Variants in MRTFA observed in about 807,000 individuals in gnomAD.
MRTFA encodes the protein myocardin-related transcription factor A.
Under a neutral mutation model 83.5 loss-of-function variants are expected in MRTFA, and 20 were observed. The ratio of observed to expected loss-of-function variants is 0.24; its 90% CI spans 0.17 to 0.35. The LOEUF (loss-of-function observed/expected upper bound fraction) is 0.35. Ranked by LOEUF, MRTFA falls within the 10% of genes least tolerant of loss-of-function variation. The pLI is 1.00. For synonymous variants in MRTFA, 659 were observed against 541.2 expected (o/e 1.22, Z -3.02); for missense variants, 1,200 against 1,224.7 (o/e 0.98, Z 0.30).
At chr22:40,461,923 C>A (rs746299864) in intron 4 of MRTFA, among the ~76,000 whole-genome samples, 1 of 152,338 alleles carries the variant, frequency 6.6e-6, no homozygotes, top group East Asian at 1.9e-4. Context: ...CATGCCCCAG[C>A]CACACTGGCT....
chr22:40,635,777 A>G (rs372375058), intron 1 of MRTFA, among the ~76,000 whole-genome samples: 21 of 152,324 alleles, frequency 1.4e-4, no homozygotes, highest in South Asian at 6.2e-4. Context: ...AAACAACCGT[A>G]TGCGATTGGT....
At chr22:40,556,949 T>C (rs1455546522) in intron 2 of MRTFA, among the ~76,000 whole-genome samples, 1 of 152,204 alleles carries the variant, frequency 6.6e-6, no homozygotes, top group African/African-American at 2.4e-5. Context: ...ACTTCAGCCC[T>C]AGGACTTAGG....
intron 4 of MRTFA, among the ~76,000 whole-genome samples, chr22:40,455,735 G>C (rs2053573939): frequency 1.3e-5 from 2 of 151,746 alleles, no homozygotes. Flanking sequence ...GGGTGGCAGA[G>C]GATGTTGGAG....
intron 3 of MRTFA, among the ~76,000 whole-genome samples, chr22:40,507,738 G>A (rs1037172404): frequency 2.6e-5 from 4 of 151,984 alleles, no homozygotes; most frequent in African/African-American, 7.3e-5. Flanking sequence ...GCCAAGGTGG[G>A]TGGATCACGA....
chr22:40,465,694 G>C (rs927202100), intron 3 of MRTFA, among the ~76,000 whole-genome samples: 5 of 151,950 alleles, frequency 3.3e-5, no homozygotes, highest in Non-Finnish European at 7.4e-5. Context: ...TGGAGTAGCT[G>C]GAACTATAGG....
intron 2 of MRTFA, among the ~76,000 whole-genome samples, chr22:40,576,321 G>A (rs1286586013): frequency 1.3e-5 from 2 of 152,020 alleles, no homozygotes; most frequent in South Asian, 2.1e-4. Flanking sequence ...ATGAGCTACC[G>A]CACCCAGCCT....
chr22:40,411,314 C>A lies in MRTFA; in HGVS notation c.*76G>T. 1 of 1,448,420 alleles carries A rather than the reference C, an allele frequency of 6.9e-7. No homozygotes were observed. Among genetic ancestry groups the A allele is most frequent in the Non-Finnish European group, 9.3e-7 (1 of 1,077,616 alleles). The allele number at this position is 1,448,420 out of a possible 1,614,324, so 89.7% of individuals were successfully genotyped here. On this transcript the variant is annotated 3_prime_UTR_variant, in exon 15 of 15. Coordinates refer to ENST00000355630, the MANE Select transcript of MRTFA (RefSeq NM_020831.6). Reference sequence around the variant, plus strand: ...AAGACTCACAACCATGTGGAGAGGCCGAATCACGCAGGAGAGCCACGCATT... The same window carrying A: ...AAGACTCACAACCATGTGGAGAGGCAGAATCACGCAGGAGAGCCACGCATT...
At chr22:40,457,528 T>G (rs985791399) in intron 4 of MRTFA, among the ~76,000 whole-genome samples, 29 of 150,388 alleles carry the variant, frequency 1.9e-4, no homozygotes, top group African/African-American at 4.2e-4. Flanking sequence ...GAGAGAGAGA[T>G]ATGCAACTTC....
chr22:40,508,925 G>T (rs531786372), intron 3 of MRTFA, among the ~76,000 whole-genome samples: 8 of 152,136 alleles, frequency 5.3e-5, no homozygotes, highest in Non-Finnish European at 8.8e-5. Context: ...CAAGGTGCTG[G>T]TATCAACAGC....
At chr22:40,465,734 A>ATT (rs112177128) in intron 3 of MRTFA, among the ~76,000 whole-genome samples, 4 of 146,976 alleles carry the variant, frequency 2.7e-5, no homozygotes, top group East Asian at 2.0e-4. Context: ...TAATTTTTTA[A>ATT]TTTTTTTTTT....
chr22:40,504,449 G>T (rs2054547537), intron 3 of MRTFA, among the ~76,000 whole-genome samples: 2 of 152,198 alleles, frequency 1.3e-5, no homozygotes, highest in Non-Finnish European at 2.9e-5. Flanking sequence ...GCCATGGCTG[G>T]TTCCAAACAA....
intron 3 of MRTFA, among the ~76,000 whole-genome samples, chr22:40,539,560 T>G (rs2055252352): frequency 1.4e-5 from 2 of 144,324 alleles, no homozygotes; most frequent in African/African-American, 2.4e-5. Context: ...TGGAGTGCAG[T>G]GGCACGATCT....
At chr22:40,477,341 C>G (rs527769650) in intron 3 of MRTFA, among the ~76,000 whole-genome samples, 1 of 151,832 alleles carries the variant, frequency 6.6e-6, no homozygotes, top group South Asian at 2.1e-4. Flanking sequence ...CAGAGTGAGA[C>G]TCGGTCTCAA....
chr22:40,635,741 G>A (rs1052284075), intron 1 of MRTFA, among the ~76,000 whole-genome samples: 2 of 152,162 alleles, frequency 1.3e-5, no homozygotes, highest in African/African-American at 4.8e-5. Context: ...CGCTTCACGT[G>A]AATTATTTCA....
At chr22:40,574,017 T>C (rs2055834071) in intron 2 of MRTFA, among the ~76,000 whole-genome samples, 1 of 152,180 alleles carries the variant, frequency 6.6e-6, no homozygotes, top group African/African-American at 2.4e-5. Context: ...CCCAAAATCC[T>C]GGGATTACAG....
intron 3 of MRTFA, among the ~76,000 whole-genome samples, chr22:40,472,758 G>C (rs942935165): frequency 7.9e-5 from 12 of 152,114 alleles, no homozygotes; most frequent in Admixed American, 2.0e-4. Context: ...AGCTTCCATG[G>C]TGTCTTGGCA....
intron 1 of MRTFA, among the ~76,000 whole-genome samples, chr22:40,628,635 AGAAGTAAAAATGTG>A (rs1032871596): frequency 6.6e-6 from 1 of 151,740 alleles, no homozygotes; most frequent in Non-Finnish European, 1.5e-5. Context: ...AACATACCAC[AGAAGTAAAAATGTG>A]GAAGTAAAAA....
rs564775876 is a variant in MRTFA at position 40,583,966 on chromosome 22, A to G, written c.-22+10708T>C. On this transcript the variant is annotated intron_variant, in intron 2 of 14. Transcript: ENST00000355630. ...CAGTTTTCATCCCCATGTGGTATAT[A>G]TAGTATTTGTCATCTGCATAGTACT... Among the ~76,000 whole-genome samples, 8 of 152,318 alleles carry G rather than the reference A, an allele frequency of 5.3e-5. No individual in the cohort carries two copies. The South Asian group carries it at 1.5e-3, about 28-fold the overall frequency.
Position 40,463,298 on chromosome 22 carries a change from C to G in MRTFA, c.242-12G>C, listed in dbSNP as rs773520556. On this transcript the variant is annotated splice_polypyrimidine_tract_variant and intron_variant, in intron 3 of 14. Transcript: ENST00000355630. ...TTTCAACTGTAGCACTGCAGGGCAGCAGAGAGAGAGGAGAGATGAGGGGTC... is the reference window on the plus strand; with the variant it reads ...TTTCAACTGTAGCACTGCAGGGCAGGAGAGAGAGAGGAGAGATGAGGGGTC... 1 of 1,612,848 alleles carries G rather than the reference C, an allele frequency of 6.2e-7. No individual in the cohort carries two copies. Among genetic ancestry groups the G allele is most frequent in the Admixed American group, 1.7e-5 (1 of 59,930 alleles).
Sources: gnomAD v4.1 joint callset for allele counts (sites outside exome capture counted in the v4.1 genomes callset) on GRCh38, gnomAD v4.1.1 for gene constraint, MANE v1.5 for transcripts, NCBI Gene and HGNC (gene_info 2026-07-23, HGNC 2026-07-21) for gene names.